The following ENAM variants were observed in gnomAD, a reference collection of about 807,000 sequenced individuals.
ENAM encodes the protein amelogenesis imperfecta 2, hypocalcification (autosomal dominant).
Under a neutral mutation model 33.6 loss-of-function variants are expected in ENAM, and 21 were observed. The observed-to-expected ratio is 0.63, with a 90% CI of 0.44 to 0.90. ENAM has a LOEUF of 0.90. ENAM is among the 40% of genes least tolerant of loss of function. The pLI is 0.00. For synonymous variants in ENAM, 473 were observed against 468.4 expected, an observed-to-expected ratio of 1.01 and a Z score of -0.13; for missense variants, 1,388 against 1,366.9, an observed-to-expected ratio of 1.02 and a Z score of -0.24.
At position 70,629,529 on chromosome 4, in the gene ENAM, C is replaced by A. The variant is rs761432111; in HGVS notation, c.29C>A (p.Thr10Asn). 14 of 1,613,268 alleles carry A rather than the reference C, an allele frequency of 8.7e-6. No homozygotes were observed. The highest frequency in any genetic ancestry group is 3.3e-5 in the Admixed American group (2 of 59,988). MLVLRCRLGTSFPKLDNLVP... is the reference protein window; with the variant it reads MLVLRCRLGNSFPKLDNLVP... ...TTGGTGCTTCGGTGCAGGCTTGGAA[C>A]CTCTTTTCCTAAACTAGATAACTTG... The change falls in exon 2 of 9, where the codon ACC becomes AAC. Residue 10 changes from threonine (T) to asparagine (N), a missense_variant. By Grantham distance (65) the Thr-to-Asn change is moderately conservative. Coordinates refer to ENST00000396073, the MANE Select transcript of ENAM (RefSeq NM_031889.3).
rs767499087 is a variant in ENAM at position 70,643,923 on chromosome 4, A to C, written c.2497A>C (p.Met833Leu). ...TGAAGGTGAGAATTTGAACTATGGC[A>C]TGCAAATAACTAGGATGAATTCTCC... ...WHEGENLNYG[M>L]QITRMNSPER... Residue 833 changes from methionine to leucine, a missense_variant, in exon 9 of 9, where the codon ATG (methionine) becomes CTG (leucine). By Grantham distance (15) the Met-to-Leu change is conservative. Transcript: ENST00000396073. 2.5e-6 allele frequency: 4 copies of C among 1,614,188 alleles called. No individual in the cohort carries two copies. In the Admixed American group the frequency reaches 5.0e-5, roughly 20 times the overall value.
intron 4 of ENAM, among the ~76,000 whole-genome samples, 161 bp from the exon 5 acceptor site, chr4:70,632,490 G>A (rs958937295): frequency 2.0e-5 from 3 of 151,992 alleles, no homozygotes; most frequent in African/African-American, 7.2e-5. Flanking sequence ...TCAAGCATAA[G>A]TAGGAAAAGG....
Position 70,642,391 on chromosome 4 carries a change from A to T in ENAM, c.965A>T (p.Tyr322Phe). 2.5e-6 allele frequency: 4 copies of T among 1,614,132 alleles called. No homozygotes were observed. Among genetic ancestry groups the T allele is most frequent in the Non-Finnish European group, 3.4e-6 (4 of 1,180,024 alleles). Residue 322 changes from tyrosine to phenylalanine, a missense_variant, in exon 9 of 9, where the codon TAT (tyrosine) becomes TTT (phenylalanine). Transcript: ENST00000396073. The part of the protein sequence containing the change: ...SQPNIRENHP[Y>F]PNIRNFPSGR... ...CCAAATATTCGTGAAAATCATCCAT[A>T]TCCTAATATAAGAAATTTTCCTTCA...
In ENAM at chr4:70,642,430, A is replaced by T. The variant is rs1457303782; in HGVS notation, c.1004A>T (p.Tyr335Phe). The T allele has an allele frequency of 1.2e-6, 2 of 1,614,052 alleles. No individual in the cohort carries two copies. The highest frequency in any genetic ancestry group is 1.7e-6 in the Non-Finnish European group (2 of 1,180,012). The change falls in exon 9 of 9, where the codon TAT (tyrosine) becomes TTT (phenylalanine). Residue 335 changes from tyrosine (Y) to phenylalanine (F), a missense_variant. Transcript: ENST00000396073. ...AATTTTCCTTCAGGAAGACAGTGGT[A>T]TTTCACTGGTACTGTCATGGGGCAC... ...IRNFPSGRQW[Y>F]FTGTVMGHRQ...
Position 70,642,263 on chromosome 4 carries a change from T to C in ENAM, c.837T>C (p.Thr279=), listed in dbSNP as rs768642531. The C allele has an allele frequency of 6.2e-7, 1 of 1,613,974 alleles. No homozygotes were observed. The highest frequency in any genetic ancestry group is 1.3e-5 in the African/African-American group (1 of 74,880). Residue 279 remains threonine, a synonymous_variant, in exon 9 of 9, where the codon ACT becomes ACC. Transcript: ENST00000396073. ...PTGNSTPGLN[T]GNNPPAQNGI... is the part of the protein sequence containing the mutation. ...GAAACAGTACCCCAGGACTAAACAC[T>C]GGGAACAACCCTCCAGCTCAAAATG...
Position 70,644,929 on chromosome 4 carries a change from T to C in ENAM, c.*74T>C. On this transcript the variant is annotated 3_prime_UTR_variant, in exon 9 of 9. Transcript: ENST00000396073. ...TATACCAATGGTTCCCAAAATTTTT[T>C]CCCCAAGACTTAATTAAGTGTCTGA... The C allele has an allele frequency of 1.6e-6, 2 of 1,269,356 alleles. No homozygotes were observed. The highest frequency in any genetic ancestry group is 2.3e-6 in the Non-Finnish European group (2 of 873,636). The allele number at this position is 1,269,356 out of a possible 1,614,324, so 78.6% of individuals were successfully genotyped here. A position where few individuals can be genotyped will look rare whatever the true frequency, so the allele number is the denominator to read the frequency against.
chr4:70,631,916 G>A, intron 4 of ENAM, 23 bp downstream of exon 4: 10 of 1,604,660 alleles, frequency 6.2e-6, no homozygotes, highest in Admixed American at 1.7e-5. Context: ...AGTCTCAGAG[G>A]AGAAGTTATC....
rs1347196645 is a variant in ENAM at position 70,644,102 on chromosome 4, C to T, written c.2676C>T (p.Tyr892=). The T allele has an allele frequency of 6.2e-7, 1 of 1,614,164 alleles. No homozygotes were observed. Among genetic ancestry groups the T allele is most frequent in the Admixed American group, 1.7e-5 (1 of 60,014 alleles). ...PKDNPLALQD[Y]TPSYGLAPGE... ...ACAATCCACTAGCTCTACAAGACTACACTCCATCCTATGGTCTTGCACCTG... is the reference window on the plus strand; with the variant it reads ...ACAATCCACTAGCTCTACAAGACTATACTCCATCCTATGGTCTTGCACCTG... The change falls in exon 9 of 9, where the codon TAC becomes TAT. Residue 892 remains tyrosine, a synonymous_variant. Coordinates refer to ENST00000396073, the MANE Select transcript of ENAM (RefSeq NM_031889.3).
Position 70,645,777 on chromosome 4 carries a change from T to C in ENAM, c.*922T>C, listed in dbSNP as rs143523956. On this transcript the variant is annotated 3_prime_UTR_variant, in exon 9 of 9. Transcript: ENST00000396073. Reference sequence around the variant, plus strand: ...ATATTTTGGAAATGGTAGACACTGATAGCTACTTTGTTTTTAGTTATCTTA... The same window carrying C: ...ATATTTTGGAAATGGTAGACACTGACAGCTACTTTGTTTTTAGTTATCTTA... The C allele has an allele frequency of 3.1e-4, 47 of 152,318 alleles. No individual in the cohort carries two copies. Among genetic ancestry groups the C allele is most frequent in the Middle Eastern group, 3.4e-3 (1 of 294 alleles). 9.4% of individuals were successfully genotyped at this position (152,318 alleles called of 1,614,324 possible).
chr4:70,630,744 ATT>A (rs565795356), intron 2 of ENAM, among the ~76,000 whole-genome samples: 18 of 142,406 alleles, frequency 1.3e-4, no homozygotes, highest in African/African-American at 2.8e-4. Context: ...AGCATAAGTG[ATT>A]TTTTTTTTTT....
intron 7 of ENAM, among the ~76,000 whole-genome samples, chr4:70,637,019 T>A (rs908542835): frequency 6.6e-6 from 1 of 152,252 alleles, no homozygotes; most frequent in Admixed American, 6.5e-5. Context: ...TCTACAACTC[T>A]ATTACCAAGA....
At chr4:70,640,475 A>T (rs1341872099) in intron 8 of ENAM, among the ~76,000 whole-genome samples, 1 of 152,236 alleles carries the variant, frequency 6.6e-6, no homozygotes, top group Non-Finnish European at 1.5e-5. Flanking sequence ...GAACCCAGAG[A>T]ATTCAACGTA....
chr4:70,643,034 A>G lies in ENAM; in HGVS notation c.1608A>G (p.Ser536=). The G allele has an allele frequency of 6.2e-7, 1 of 1,614,160 alleles. No individual in the cohort carries two copies. The highest frequency in any genetic ancestry group is 1.3e-5 in the African/African-American group (1 of 75,044). Residue 536 remains serine (S), a synonymous_variant, in exon 9 of 9, where the codon TCA becomes TCG. Coordinates refer to ENST00000396073, the MANE Select transcript of ENAM (RefSeq NM_031889.3). ...RMPYESETNQ[S]ELKHSSYQPA... ...CATATGAATCAGAAACTAATCAGTC[A>G]GAATTAAAGCACAGCTCATATCAGC...
intron 2 of ENAM, among the ~76,000 whole-genome samples, chr4:70,630,107 T>G (rs762655156): frequency 6.6e-6 from 1 of 152,190 alleles, no homozygotes; most frequent in Non-Finnish European, 1.5e-5. Context: ...TTCTCTATGA[T>G]GTTCTAACTC....
chr4:70,639,577 G>A (rs913457458), intron 8 of ENAM, among the ~76,000 whole-genome samples: 6 of 151,546 alleles, frequency 4.0e-5, no homozygotes, highest in Non-Finnish European at 5.9e-5. Context: ...GCGACAGAGC[G>A]AGACTCAGTC....
In ENAM at chr4:70,644,811, A is replaced by G. The variant is rs148657459; in HGVS notation, c.3385A>G (p.Asn1129Asp). 26 of 1,614,074 alleles carry G rather than the reference A, an allele frequency of 1.6e-5. No individual in the cohort carries two copies. Among genetic ancestry groups the G allele is most frequent in the Non-Finnish European group, 2.1e-5 (25 of 1,180,008 alleles). Residue 1129 changes from asparagine (N) to aspartate (D), a missense_variant, in exon 9 of 9, where the codon AAT becomes GAT. By Grantham distance (23) the Asn-to-Asp change is conservative (BLOSUM62 1). Transcript: ENST00000396073. ...ATTTGAATTCCTTCAAAGAGGGACC[A>G]ATGTACAGGACCAGGTACAAGACTG... ...SPFEFLQRGT[N>D]VQDQVQDCLL...
rs1439071550 is a variant in ENAM at position 70,643,725 on chromosome 4, G to A, written c.2299G>A (p.Asp767Asn). ...TCTATTTCCTTCACGGAATTCCTGG[G>A]ACCACAGGATACAAGCCCAAGGGCA... The part of the protein sequence containing the change: ...STLFPSRNSW[D>N]HRIQAQGQRE... The change falls in exon 9 of 9, where the codon GAC (aspartate) becomes AAC (asparagine). Residue 767 changes from aspartate to asparagine, a missense_variant. Physicochemically the swap from Asp to Asn is conservative, Grantham distance 23. Coordinates refer to ENST00000396073, the MANE Select transcript of ENAM (RefSeq NM_031889.3). 1 of 1,614,118 alleles carries A rather than the reference G, an allele frequency of 6.2e-7. No individual in the cohort carries two copies. Among genetic ancestry groups the A allele is most frequent in the Admixed American group, 1.7e-5 (1 of 60,016 alleles).
rs142329753 is a variant in ENAM at position 70,629,313 on chromosome 4, G to A, written c.-60-128G>A. The A allele has an allele frequency of 8.8e-5, 54 of 612,212 alleles. No homozygotes were observed. The African/African-American group carries it at 1.0e-3, about 11-fold the overall frequency. The allele number at this position is 612,212 out of a possible 1,614,324, so 37.9% of individuals were successfully genotyped here. On this transcript the variant is annotated intron_variant, in intron 1 of 8. Transcript: ENST00000396073. ...TCATCCTACTTTTAAAGCAACAGAAGATTAAACTTGATTTTGTGGCCCCCT... is the reference window on the plus strand; with the variant it reads ...TCATCCTACTTTTAAAGCAACAGAAAATTAAACTTGATTTTGTGGCCCCCT...
Position 70,642,157 on chromosome 4 carries a change from C to G in ENAM, c.731C>G (p.Ala244Gly). 6.2e-7 allele frequency: 1 copy of G among 1,614,200 alleles called. No homozygotes were observed. The highest frequency in any genetic ancestry group is 8.5e-7 in the Non-Finnish European group (1 of 1,180,018). ...GAAAGTCCAGGCACAGAACCCACAG[C>G]TAATTCAACAGTCACTGAGACGAAT... ...KAESPGTEPT[A>G]NSTVTETNST... The change falls in exon 9 of 9, where the codon GCT becomes GGT. Residue 244 changes from alanine (A) to glycine (G), a missense_variant. Transcript: ENST00000396073.
Sources: allele counts gnomAD v4.1 joint callset (sites outside exome capture counted in the v4.1 genomes callset), GRCh38; gene constraint gnomAD v4.1.1; transcripts MANE v1.5; gene names NCBI Gene and HGNC (gene_info 2026-07-23, HGNC 2026-07-21).